The following LHFPL6 variants were observed in gnomAD, a reference collection of about 807,000 sequenced individuals.
The protein encoded by LHFPL6 is LHFPL tetraspan subfamily member 6 protein.
Under a neutral mutation model 20.6 loss-of-function variants are expected in LHFPL6, and 9 were observed. That is an observed-to-expected ratio of 0.44 (90% confidence interval 0.26 to 0.76). LHFPL6 has a LOEUF of 0.76. Among genes scored for constraint, LHFPL6 ranks in the 30% least tolerant of loss-of-function variants. LHFPL6 has a pLI of 0.20. For synonymous variants in LHFPL6, 105 were observed against 98.7 expected (o/e 1.06, Z -0.38); for missense variants, 218 against 253.5 (o/e 0.86, Z 0.95).
intron 2 of LHFPL6, among the ~76,000 whole-genome samples, chr13:39,447,223 G>A (rs1202514423): frequency 6.6e-6 from 1 of 152,200 alleles, no homozygotes; most frequent in Non-Finnish European, 1.5e-5. Context: ...GGATCAATAT[G>A]CACTGAATTT....
intron 2 of LHFPL6, among the ~76,000 whole-genome samples, chr13:39,428,313 T>C (rs1396878588): frequency 6.6e-6 from 1 of 152,160 alleles, no homozygotes; most frequent in East Asian, 1.9e-4. Flanking sequence ...AAAAGTTTCA[T>C]AGAATTCATC....
chr13:39,356,834 C>G (rs1417892943), intron 3 of LHFPL6, among the ~76,000 whole-genome samples: 1 of 152,192 alleles, frequency 6.6e-6, no homozygotes, highest in African/African-American at 2.4e-5. Context: ...GAACCCTGAA[C>G]AGACCAATAA....
At chr13:39,492,703 C>T (rs892366032) in intron 2 of LHFPL6, among the ~76,000 whole-genome samples, 8 of 151,848 alleles carry the variant, frequency 5.3e-5, no homozygotes, top group Non-Finnish European at 1.0e-4. Flanking sequence ...TCACTCCTGT[C>T]GCCCAGGCTG....
chr13:39,558,861 A>G (rs1593362668), intron 2 of LHFPL6, among the ~76,000 whole-genome samples: 2 of 152,358 alleles, frequency 1.3e-5, no homozygotes, highest in East Asian at 1.9e-4. Flanking sequence ...CATATATTTA[A>G]GTAAAGCTGA....
At chr13:39,401,642 A>C (rs1383762084) in intron 2 of LHFPL6, among the ~76,000 whole-genome samples, 2 of 152,226 alleles carry the variant, frequency 1.3e-5, no homozygotes, top group African/African-American at 2.4e-5. Context: ...AAGTACCATG[A>C]GTTCTACCGC....
chr13:39,412,959 A>G (rs562813489), intron 2 of LHFPL6, among the ~76,000 whole-genome samples: 1 of 152,200 alleles, frequency 6.6e-6, no homozygotes, highest in South Asian at 2.1e-4. Context: ...AATGGCAGCA[A>G]GGGAACCTGA....
chr13:39,437,819 G>A lies in LHFPL6; in HGVS notation c.386-59293C>T, dbSNP rs368927035. 1.3e-3 allele frequency among the ~76,000 whole-genome samples: 193 copies of A among 151,632 alleles called. 6 individuals are homozygous for A. In the South Asian group the frequency reaches 0.037, roughly 29 times the overall value. Reference sequence around the variant, plus strand: ...TGGGAGGCCGAGGCAGGAGAATGGCGTGAACCCAGGAGGCAGAGCTTGCAG... The same window carrying A: ...TGGGAGGCCGAGGCAGGAGAATGGCATGAACCCAGGAGGCAGAGCTTGCAG... On this transcript the variant is annotated intron_variant, in intron 2 of 3. Coordinates refer to ENST00000379589, the MANE Select transcript of LHFPL6 (RefSeq NM_005780.3).
chr13:39,399,000 G>T (rs1410335131), intron 2 of LHFPL6, among the ~76,000 whole-genome samples: 2 of 152,184 alleles, frequency 1.3e-5, no homozygotes, highest in African/African-American at 4.8e-5. Context: ...GAACAGCAGA[G>T]TACGTTTCAT....
chr13:39,521,388 C>T (rs1262002853), intron 2 of LHFPL6, among the ~76,000 whole-genome samples: 6 of 152,170 alleles, frequency 3.9e-5, no homozygotes, highest in Non-Finnish European at 8.8e-5. Context: ...CTACTGTTAA[C>T]CTATCATTTG....
intron 2 of LHFPL6, among the ~76,000 whole-genome samples, chr13:39,564,051 G>A (rs898620813): frequency 2.0e-5 from 3 of 152,078 alleles, no homozygotes; most frequent in African/African-American, 7.2e-5. Flanking sequence ...TATTATCATT[G>A]CACTGGAAGG....
At position 39,390,034 on chromosome 13, in the gene LHFPL6, A is replaced by G. The variant is rs150388053; in HGVS notation, c.386-11508T>C. 1.8e-3 allele frequency among the ~76,000 whole-genome samples: 280 copies of G among 152,264 alleles called. 2 individuals carry two copies. Among genetic ancestry groups the G allele is most frequent in the African/African-American group, 6.2e-3 (257 of 41,560 alleles). On this transcript the variant is annotated intron_variant, in intron 2 of 3. Transcript: ENST00000379589. ...AACAGACTCCCAACTACCTTCATTC[A>G]TTTCTACTTAACTTTTTTTTAAAAA... is the stretch of plus-strand genomic sequence containing the variant.
Position 39,378,491 on chromosome 13 carries a change from A to C in LHFPL6, c.421T>G (p.Leu141Val), listed in dbSNP as rs749541561. 1.2e-6 allele frequency: 2 copies of C among 1,613,978 alleles called. No homozygotes were observed. Among genetic ancestry groups the C allele is most frequent in the Non-Finnish European group, 1.7e-6 (2 of 1,179,938 alleles). ...CGGACTTCCTCACTGTCCCAGCCCA[A>C]GGGGTAGAGGGCACAGCCAGCACCA... ...LIGAGCALYPLGWDSEEVRQT... is the reference protein window; with the variant it reads ...LIGAGCALYPVGWDSEEVRQT... The change falls in exon 3 of 4, where the codon TTG becomes GTG. Residue 141 changes from leucine (L) to valine (V), a missense_variant. By Grantham distance (32) the Leu-to-Val change is conservative. Transcript: ENST00000379589.
At chr13:39,520,578 C>G (rs888789903) in intron 2 of LHFPL6, among the ~76,000 whole-genome samples, 1 of 152,160 alleles carries the variant, frequency 6.6e-6, no homozygotes, top group African/African-American at 2.4e-5. Flanking sequence ...GAATTGGCCA[C>G]AGGAAAAGAA....
At chr13:39,383,943 C>A (rs111477753) in intron 2 of LHFPL6, among the ~76,000 whole-genome samples, 1 of 152,224 alleles carries the variant, frequency 6.6e-6, no homozygotes, top group African/African-American at 2.4e-5. Flanking sequence ...GATCCCAGCA[C>A]TTCCTGATTT....
intron 2 of LHFPL6, among the ~76,000 whole-genome samples, chr13:39,532,277 G>A (rs1249399613): frequency 6.6e-6 from 1 of 152,024 alleles, no homozygotes; most frequent in Non-Finnish European, 1.5e-5. Flanking sequence ...CTACCAAATG[G>A]AGTGGACATT....
chr13:39,381,732 G>C (rs1454540000), intron 2 of LHFPL6, among the ~76,000 whole-genome samples: 3 of 151,650 alleles, frequency 2.0e-5, no homozygotes, highest in Non-Finnish European at 4.4e-5. Flanking sequence ...ATTGAGTAAG[G>C]GTTAAAAAAA....
intron 2 of LHFPL6, among the ~76,000 whole-genome samples, chr13:39,552,837 T>C (rs1871179881): frequency 6.6e-6 from 1 of 152,120 alleles, no homozygotes; most frequent in African/African-American, 2.4e-5. Flanking sequence ...TGGGTGCCTT[T>C]TTGGAGGTGG....
intron 2 of LHFPL6, among the ~76,000 whole-genome samples, chr13:39,562,415 C>CAT (rs57863254): frequency 4.0e-4 from 22 of 54,672 alleles, no homozygotes; most frequent in Middle Eastern, 0.01. Flanking sequence ...TACACATATA[C>CAT]ACATATACAT....
At chr13:39,397,934 G>A (rs1870885885) in intron 2 of LHFPL6, among the ~76,000 whole-genome samples, 1 of 152,102 alleles carries the variant, frequency 6.6e-6, no homozygotes, top group African/African-American at 2.4e-5. Flanking sequence ...GTGTTTGTGT[G>A]CATTTGTGTA....
Sources: allele counts gnomAD v4.1 joint callset (sites outside exome capture counted in the v4.1 genomes callset), GRCh38; gene constraint gnomAD v4.1.1; transcripts MANE v1.5; gene names NCBI Gene and HGNC (gene_info 2026-07-23, HGNC 2026-07-21).